Variants in DTL observed in about 807,000 individuals in gnomAD.
DTL encodes the protein denticleless protein homolog.
A neutral mutation model predicts 87.0 loss-of-function variants in DTL; 46 were observed. The observed-to-expected ratio is 0.53, with a 90% CI of 0.42 to 0.68. The LOEUF is 0.68. DTL is among the 30% of genes least tolerant of loss of function. The pLI is 0.00. For synonymous variants in DTL, 308 were observed against 311.2 expected (o/e 0.99, Z 0.11); for missense variants, 737 against 869.4 (o/e 0.85, Z 1.91).
chr1:212,100,361 C>T lies in DTL; in HGVS notation c.1371C>T (p.Asp457=). 6.3e-7 allele frequency: 1 copy of T among 1,596,592 alleles called. No individual in the cohort carries two copies. The highest frequency in any genetic ancestry group is 8.6e-7 in the Non-Finnish European group (1 of 1,164,290). Reference sequence around the variant, plus strand: ...CTTGTGCCCCAAGCTGTGCTGGAGACCTCCCTCTTCCTTCAAATACTCCTA... The same window carrying T: ...CTTGTGCCCCAAGCTGTGCTGGAGATCTCCCTCTTCCTTCAAATACTCCTA... ...SAACAPSCAG[D]LPLPSNTPTF... is the part of the protein sequence containing the mutation. Residue 457 remains aspartate (D), a synonymous_variant, in exon 14 of 15, where the codon GAC becomes GAT. Transcript: ENST00000366991.
At chr1:212,055,064 T>C (rs950831194) in intron 5 of DTL, among the ~76,000 whole-genome samples, 2 of 152,170 alleles carry the variant, frequency 1.3e-5, no homozygotes, top group Non-Finnish European at 2.9e-5. Flanking sequence ...AATAGTGAGA[T>C]ATTATAGTGA....
chr1:212,042,002 T>C (rs1667666015), intron 1 of DTL, among the ~76,000 whole-genome samples: 1 of 152,206 alleles, frequency 6.6e-6, no homozygotes. Flanking sequence ...TAAGATGTAT[T>C]CTCCACATAG....
At chr1:212,091,010 G>A (rs1357246748) in intron 13 of DTL, among the ~76,000 whole-genome samples, 1 of 152,142 alleles carries the variant, frequency 6.6e-6, no homozygotes, top group Non-Finnish European at 1.5e-5. Context: ...TAATGGCAGC[G>A]TTAAATGTGT....
At chr1:212,089,955 A>C (rs1252897863) in intron 13 of DTL, among the ~76,000 whole-genome samples, 2 of 152,142 alleles carry the variant, frequency 1.3e-5, no homozygotes, top group African/African-American at 4.8e-5. Context: ...GACCCACTTA[A>C]ATGGAACAGA....
intron 11 of DTL, among the ~76,000 whole-genome samples, chr1:212,073,682 T>G (rs1204057958): frequency 2.0e-5 from 3 of 152,170 alleles, no homozygotes; most frequent in African/African-American, 7.2e-5. Flanking sequence ...GTGGAAATAT[T>G]GCTCTATCCA....
chr1:212,038,176 C>T (rs1476518611), intron 1 of DTL, among the ~76,000 whole-genome samples: 1 of 152,192 alleles, frequency 6.6e-6, no homozygotes, highest in Non-Finnish European at 1.5e-5. Flanking sequence ...TGGAGAAAAC[C>T]CCTATGAACA....
At position 212,064,990 on chromosome 1, in the gene DTL, CAAG is replaced by C. The variant is rs746406987; in HGVS notation, c.606_608del (p.Lys203del). 2 of 1,614,032 alleles carry C rather than the reference CAAG, an allele frequency of 1.2e-6. No individual in the cohort carries two copies. The highest frequency in any genetic ancestry group is 8.5e-7 in the Non-Finnish European group (1 of 1,179,976). ...CAGACAAGCAAACCCCTTCAAAACC[CAAG>C]AAGAAACAGAATTCAAAAGGACTTG... On this transcript the variant is annotated inframe_deletion, in exon 7 of 15. Transcript: ENST00000366991.
intron 3 of DTL, among the ~76,000 whole-genome samples, chr1:212,046,868 T>C (rs1256642183): frequency 1.3e-5 from 2 of 152,226 alleles, no homozygotes; most frequent in Admixed American, 6.5e-5. Context: ...AGCGCCACAC[T>C]GTCTTCCACA....
intron 5 of DTL, among the ~76,000 whole-genome samples, chr1:212,050,105 CAGCTGTAGTG>C (rs1667921947): frequency 6.6e-6 from 1 of 152,008 alleles, no homozygotes; most frequent in African/African-American, 2.4e-5. Flanking sequence ...CAGGAGTTTG[CAGCTGTAGTG>C]AGCTGTGATT....
At chr1:212,041,535 TCG>T in intron 1 of DTL, among the ~76,000 whole-genome samples, 1 of 147,796 alleles carries the variant, frequency 6.8e-6, no homozygotes, top group Admixed American at 6.7e-5. Flanking sequence ...GGACGGAGTG[TCG>T]CTGTGTTGCC....
At chr1:212,069,501 A>G (rs1571961818) in intron 10 of DTL, among the ~76,000 whole-genome samples, 1 of 152,052 alleles carries the variant, frequency 6.6e-6, no homozygotes, top group East Asian at 1.9e-4. Context: ...TCTCAAGTAC[A>G]GAACTTGTTT....
chr1:212,045,339 G>A (rs1667776046), intron 3 of DTL, among the ~76,000 whole-genome samples: 1 of 152,228 alleles, frequency 6.6e-6, no homozygotes. Flanking sequence ...ACTGTTAACT[G>A]TGACAATGCC....
intron 5 of DTL, 75 bp from the exon 6 acceptor site, chr1:212,062,809 C>T: frequency 3.2e-6 from 4 of 1,254,004 alleles, no homozygotes; most frequent in Non-Finnish European, 4.7e-6. Context: ...AGATAGTCTA[C>T]AAAATGTAAA....
chr1:212,086,421 T>A (rs1291240237), intron 13 of DTL, among the ~76,000 whole-genome samples: 2 of 152,234 alleles, frequency 1.3e-5, no homozygotes, highest in Non-Finnish European at 2.9e-5. Context: ...TTTTGAGGTT[T>A]TTCCCTTATA....
chr1:212,050,230 C>G (rs192653357), intron 5 of DTL, among the ~76,000 whole-genome samples: 1 of 152,088 alleles, frequency 6.6e-6, no homozygotes, highest in Non-Finnish European at 1.5e-5. Context: ...CATATAAATA[C>G]TTAGTGTTTT....
chr1:212,102,728 A>G, intron 14 of DTL, 114 bp from the exon 15 acceptor site: 1 of 681,668 alleles, frequency 1.5e-6, no homozygotes, highest in Non-Finnish European at 2.5e-6. Flanking sequence ...TTGGAGCTGA[A>G]AGCAGGCTAA....
intron 5 of DTL, among the ~76,000 whole-genome samples, chr1:212,061,328 A>G (rs746905209): frequency 1.4e-4 from 22 of 152,210 alleles, no homozygotes; most frequent in Non-Finnish European, 2.9e-4. Flanking sequence ...AGGTATGTGA[A>G]AAACTGCTCA....
chr1:212,072,742 A>C (rs1450498463), intron 11 of DTL, among the ~76,000 whole-genome samples: 3 of 149,948 alleles, frequency 2.0e-5, no homozygotes, highest in Non-Finnish European at 4.4e-5. Flanking sequence ...TATATATTTA[A>C]TAGCATTATT....
intron 2 of DTL, among the ~76,000 whole-genome samples, 169 bp downstream of exon 2, chr1:212,043,287 T>A (rs1667708190): frequency 6.6e-6 from 1 of 152,208 alleles, no homozygotes; most frequent in African/African-American, 2.4e-5. Context: ...TTTCTTAATC[T>A]CTATACATCA....
Sources: gnomAD v4.1 joint callset for allele counts (sites outside exome capture counted in the v4.1 genomes callset) on GRCh38, gnomAD v4.1.1 for gene constraint, MANE v1.5 for transcripts, NCBI Gene and HGNC (gene_info 2026-07-23, HGNC 2026-07-21) for gene names.